PTPRM: variants seen among roughly 807,000 people sequenced by gnomAD.
The protein encoded by PTPRM is protein tyrosine phosphatase receptor type M.
In PTPRM, 47 loss-of-function variants were observed where a neutral mutation model predicts 186.7. The observed-to-expected ratio is 0.25, with a 90% CI of 0.20 to 0.32. The LOEUF (loss-of-function observed/expected upper bound fraction) is 0.32. Ranked by LOEUF, PTPRM falls within the 10% of genes least tolerant of loss-of-function variation. The pLI is 1.00. For missense variants in PTPRM, 1,494 were observed against 1,865.0 expected (o/e 0.80, Z 3.66); for synonymous variants, 668 against 674.9 (o/e 0.99, Z 0.16).
intron 5 of PTPRM, 126 bp downstream of exon 5, chr18:7,926,809 G>C: frequency 1.9e-6 from 1 of 526,362 alleles, no homozygotes; most frequent in South Asian, 5.0e-5. Flanking sequence ...TTAATAAGTA[G>C]CCAGATTACT....
chr18:7,759,522 C>T (rs2144731024), intron 1 of PTPRM, among the ~76,000 whole-genome samples: 1 of 152,340 alleles, frequency 6.6e-6, no homozygotes, highest in South Asian at 2.1e-4. Context: ...AGATAAGGCT[C>T]ATCCCAGGCA....
At chr18:7,794,162 A>G (rs142253906) in intron 2 of PTPRM, among the ~76,000 whole-genome samples, 90 of 152,308 alleles carry the variant, frequency 5.9e-4, no homozygotes, top group African/African-American at 1.9e-3. Flanking sequence ...CTTCCGGTAC[A>G]CTAAGGAAAG....
chr18:7,654,423 A>C (rs910192507), intron 1 of PTPRM, among the ~76,000 whole-genome samples: 1 of 152,138 alleles, frequency 6.6e-6, no homozygotes, highest in Non-Finnish European at 1.5e-5. Flanking sequence ...TAGTGTTCCA[A>C]TAATGGAACA....
chr18:8,185,810 G>C (rs1168095386), intron 14 of PTPRM, among the ~76,000 whole-genome samples: 23 of 152,138 alleles, frequency 1.5e-4, no homozygotes, highest in Admixed American at 1.5e-3. Flanking sequence ...AAATTCCTGG[G>C]TAACAAGAAT....
chr18:7,679,324 G>C (rs955073856), intron 1 of PTPRM, among the ~76,000 whole-genome samples: 1 of 151,972 alleles, frequency 6.6e-6, no homozygotes, highest in African/African-American at 2.4e-5. Flanking sequence ...TCCAGGTTTG[G>C]TTCCTAGGTA....
intron 14 of PTPRM, among the ~76,000 whole-genome samples, chr18:8,238,138 C>G (rs905821777): frequency 5.3e-5 from 8 of 152,240 alleles, no homozygotes; most frequent in Admixed American, 3.3e-4. Context: ...AGATAAATGA[C>G]ATGCTTTAAA....
intron 1 of PTPRM, among the ~76,000 whole-genome samples, chr18:7,680,950 T>C (rs2039467003): frequency 6.6e-6 from 1 of 152,112 alleles, no homozygotes; most frequent in South Asian, 2.1e-4. Context: ...TTTCCCATAT[T>C]CTCTGGCAGC....
rs146427578 is a variant in PTPRM at position 7,680,867 on chromosome 18, C to T, written c.74-93282C>T. 2.6e-3 allele frequency among the ~76,000 whole-genome samples: 394 copies of T among 152,280 alleles called. 7 individuals are homozygous for T. In the South Asian group the frequency reaches 0.041, roughly 16 times the overall value. ...GGGTGGGAGTGTTGCTTTTCCTTCC[C>T]CCACCCTTGTTCATGCCTGTCTTAG... On this transcript the variant is annotated intron_variant, in intron 1 of 32. Coordinates refer to ENST00000580170, the MANE Select transcript of PTPRM (RefSeq NM_001105244.2).
intron 4 of PTPRM, among the ~76,000 whole-genome samples, chr18:7,913,562 T>G (rs2050394309): frequency 6.6e-6 from 1 of 152,174 alleles, no homozygotes; most frequent in African/African-American, 2.4e-5. Context: ...GCAAATCCTT[T>G]TTCTCTATCA....
intron 5 of PTPRM, among the ~76,000 whole-genome samples, chr18:7,934,524 T>C (rs538669397): frequency 9.2e-5 from 14 of 152,348 alleles, no homozygotes; most frequent in Admixed American, 8.5e-4. Context: ...GTTTCACTGA[T>C]CTACCATAGA....
intron 7 of PTPRM, among the ~76,000 whole-genome samples, chr18:7,961,470 T>C (rs1289875789): frequency 6.6e-6 from 1 of 152,266 alleles, no homozygotes; most frequent in Non-Finnish European, 1.5e-5. Flanking sequence ...TTAATTATGC[T>C]GATAATTGAA....
chr18:7,916,325 C>T (rs182571597), intron 4 of PTPRM, among the ~76,000 whole-genome samples: 77 of 152,290 alleles, frequency 5.1e-4, no homozygotes, highest in African/African-American at 1.6e-3. Flanking sequence ...GCAGAACCAG[C>T]GACAATTCTC....
At chr18:7,573,496 AG>A (rs1249312531) in intron 1 of PTPRM, among the ~76,000 whole-genome samples, 1 of 152,200 alleles carries the variant, frequency 6.6e-6, no homozygotes, top group Non-Finnish European at 1.5e-5. Context: ...TCCACGACAG[AG>A]GTCCCCCAGC....
chr18:7,790,399 G>A (rs2043283721), intron 2 of PTPRM, among the ~76,000 whole-genome samples: 1 of 152,128 alleles, frequency 6.6e-6, no homozygotes, highest in African/African-American at 2.4e-5. Flanking sequence ...AAATCCCAGA[G>A]GTCAGATGCT....
chr18:7,989,347 A>G (rs1026678569), intron 7 of PTPRM, among the ~76,000 whole-genome samples: 1 of 152,156 alleles, frequency 6.6e-6, no homozygotes, highest in Admixed American at 6.5e-5. Flanking sequence ...CCATATTGCT[A>G]TTATTAGCCC....
chr18:8,399,229 T>C (rs2095859775), intron 32 of PTPRM, among the ~76,000 whole-genome samples: 1 of 152,184 alleles, frequency 6.6e-6, no homozygotes, highest in South Asian at 2.1e-4. Flanking sequence ...CATCATACGG[T>C]TAAAACAGAA....
At chr18:7,829,296 T>A (rs1209032604) in intron 2 of PTPRM, among the ~76,000 whole-genome samples, 1 of 152,210 alleles carries the variant, frequency 6.6e-6, no homozygotes, top group Non-Finnish European at 1.5e-5. Context: ...AATAATTACA[T>A]ATTTGCTTTC....
intron 14 of PTPRM, among the ~76,000 whole-genome samples, chr18:8,199,291 C>G (rs1329765768): frequency 6.6e-6 from 1 of 152,156 alleles, no homozygotes; most frequent in Non-Finnish European, 1.5e-5. Flanking sequence ...CCCAAGGTAA[C>G]AGATGCAGTG....
intron 2 of PTPRM, among the ~76,000 whole-genome samples, chr18:7,860,283 G>A (rs1386010887): frequency 6.6e-6 from 1 of 152,154 alleles, no homozygotes; most frequent in Non-Finnish European, 1.5e-5. Context: ...ATGTTGGCTA[G>A]GCTGGCCTTG....
Sources: allele counts gnomAD v4.1 joint callset (sites outside exome capture counted in the v4.1 genomes callset), GRCh38; gene constraint gnomAD v4.1.1; transcripts MANE v1.5; gene names NCBI Gene and HGNC (gene_info 2026-07-23, HGNC 2026-07-21).